EPHA3: variants seen among roughly 807,000 people sequenced by gnomAD.
EPHA3 encodes ephrin type-A receptor 3.
In EPHA3, 42 loss-of-function variants were observed where a neutral mutation model predicts 107.1. That is an observed-to-expected ratio of 0.39 (90% CI 0.31 to 0.51). EPHA3 has a LOEUF of 0.51. Ranked by LOEUF, EPHA3 falls within the 20% of genes least tolerant of loss-of-function variation. The pLI is 0.78. For missense variants in EPHA3, 1,183 were observed against 1,211.2 expected (o/e 0.98, Z 0.35); for synonymous variants, 461 against 424.8 (o/e 1.09, Z -1.05).
chr3:89,120,958 A>G (rs7636079), intron 1 of EPHA3, among the ~76,000 whole-genome samples: 147,401 of 152,302 alleles, frequency 0.97, 71,353 homozygotes, highest in African/African-American at 0.99. Flanking sequence ...TTACTACATC[A>G]GCCTGGCACG....
chr3:89,282,650 T>A (rs1364619082), intron 3 of EPHA3, among the ~76,000 whole-genome samples: 1 of 152,092 alleles, frequency 6.6e-6, no homozygotes, highest in Non-Finnish European at 1.5e-5. Context: ...TTATTGATAT[T>A]CTTAAAAGAT....
At chr3:89,176,654 A>G (rs1347320501) in intron 2 of EPHA3, among the ~76,000 whole-genome samples, 1 of 152,118 alleles carries the variant, frequency 6.6e-6, no homozygotes. Flanking sequence ...TATTTTGTAA[A>G]GCATCTTACA....
intron 5 of EPHA3, among the ~76,000 whole-genome samples, chr3:89,365,415 A>G (rs1394982105): frequency 6.6e-6 from 1 of 150,662 alleles, no homozygotes; most frequent in Non-Finnish European, 1.5e-5. Flanking sequence ...ATTTCCAAAC[A>G]TATTTAGTCA....
intron 11 of EPHA3, among the ~76,000 whole-genome samples, chr3:89,423,526 A>T (rs537773978): frequency 1.1e-4 from 17 of 151,512 alleles, no homozygotes; most frequent in African/African-American, 4.1e-4. Context: ...TAATTTACAG[A>T]GATAGTTTGT....
At chr3:89,401,618 C>T (rs759579482) in intron 7 of EPHA3, among the ~76,000 whole-genome samples, 1,682 of 152,130 alleles carry the variant, frequency 0.011, 36 homozygotes, top group African/African-American at 0.038. Context: ...AAATCTCTTT[C>T]TTTTTTTGTG....
chr3:89,242,476 C>T (rs1478684197), intron 3 of EPHA3, among the ~76,000 whole-genome samples: 2 of 152,136 alleles, frequency 1.3e-5, no homozygotes, highest in African/African-American at 4.8e-5. Flanking sequence ...CTCACTCTGT[C>T]GCCCAGGCTG....
chr3:89,426,868 G>T (rs563282579), intron 11 of EPHA3, among the ~76,000 whole-genome samples: 7 of 151,846 alleles, frequency 4.6e-5, no homozygotes, highest in Non-Finnish European at 8.8e-5. Context: ...ACATATGCAG[G>T]ATTTTATTCA....
At chr3:89,419,604 T>TA (rs973377096) in intron 11 of EPHA3, among the ~76,000 whole-genome samples, 4 of 151,250 alleles carry the variant, frequency 2.6e-5, no homozygotes, top group African/African-American at 7.3e-5. Flanking sequence ...CAAAAAATTT[T>TA]AAAAAAATAC....
In EPHA3 at chr3:89,466,702, G is replaced by A. The variant is rs1263768528; in HGVS notation, c.2691-5762G>A. On this transcript the variant is annotated intron_variant, in intron 15 of 16. Coordinates refer to ENST00000336596, the MANE Select transcript of EPHA3 (RefSeq NM_005233.6). ...CCCTGCTTCGGCTCGCGCACGGTGCGCACACACACTGGCCTGCGCCCACTG... is the reference window on the plus strand; with the variant it reads ...CCCTGCTTCGGCTCGCGCACGGTGCACACACACACTGGCCTGCGCCCACTG... 1.6e-4 allele frequency among the ~76,000 whole-genome samples: 21 copies of A among 132,600 alleles called. 1 individual carries two copies. The highest frequency in any genetic ancestry group is 6.7e-4 in the South Asian group (3 of 4,466). The allele number at this position is 132,600 out of a possible 152,430, so 87.0% of individuals were successfully genotyped here. A position where few individuals can be genotyped will look rare whatever the true frequency, so the allele number is the denominator to read the frequency against.
At chr3:89,132,354 T>A (rs1704224432) in intron 2 of EPHA3, among the ~76,000 whole-genome samples, 1 of 152,224 alleles carries the variant, frequency 6.6e-6, no homozygotes, top group African/African-American at 2.4e-5. Flanking sequence ...CAGGATAGAA[T>A]GTTTTATCTT....
intron 2 of EPHA3, among the ~76,000 whole-genome samples, chr3:89,198,126 G>A (rs183659725): frequency 5.9e-5 from 9 of 152,144 alleles, no homozygotes; most frequent in Admixed American, 5.9e-4. Context: ...AGAAACTCCA[G>A]CAAGTGAAAA....
At chr3:89,183,739 AT>A in intron 2 of EPHA3, among the ~76,000 whole-genome samples, 1 of 152,122 alleles carries the variant, frequency 6.6e-6, no homozygotes, top group East Asian at 1.9e-4. Context: ...CTAGAATTTT[AT>A]AACTCTTATA....
intron 2 of EPHA3, among the ~76,000 whole-genome samples, chr3:89,145,802 C>T (rs1704544706): frequency 6.6e-6 from 1 of 151,594 alleles, no homozygotes; most frequent in South Asian, 2.1e-4. Flanking sequence ...ATTTCTCACT[C>T]TCCATTTCAC....
chr3:89,303,243 A>G (rs1706533165), intron 3 of EPHA3, among the ~76,000 whole-genome samples: 1 of 151,944 alleles, frequency 6.6e-6, no homozygotes, highest in East Asian at 1.9e-4. Context: ...AAATAATTTT[A>G]ATTGATGGTA....
Position 89,479,496 on chromosome 3 carries a change from C to G in EPHA3, c.2946C>G (p.Pro982=), listed in dbSNP as rs147581559. Residue 982 remains proline, a synonymous_variant, in exon 17 of 17, where the codon CCC becomes CCG. Transcript: ENST00000336596. The stretch of plus-strand genomic sequence containing the variant: ...CGCAATCAAAGAATGGCCCAGTTCC[C>G]GTGTAAAGCACGGGACGGAAGTGCT... The part of the protein sequence containing the change: ...LETQSKNGPV[P]V The G allele has an allele frequency of 1.9e-6, 3 of 1,613,418 alleles. No individual in the cohort carries two copies. The highest frequency in any genetic ancestry group is 1.7e-4 in the Middle Eastern group (1 of 5,990).
chr3:89,163,589 T>A (rs2107077578), intron 2 of EPHA3, among the ~76,000 whole-genome samples: 1 of 152,268 alleles, frequency 6.6e-6, no homozygotes, highest in South Asian at 2.1e-4. Flanking sequence ...TATACTTCTA[T>A]TGAAATGTGG....
At chr3:89,451,797 G>C (rs1306825184) in intron 15 of EPHA3, among the ~76,000 whole-genome samples, 1 of 152,018 alleles carries the variant, frequency 6.6e-6, no homozygotes, top group East Asian at 1.9e-4. Flanking sequence ...TTGCTACAAA[G>C]CTTAGTGACT....
intron 2 of EPHA3, among the ~76,000 whole-genome samples, chr3:89,135,481 C>A (rs952974148): frequency 8.6e-5 from 13 of 152,036 alleles, no homozygotes; most frequent in African/African-American, 3.1e-4. Flanking sequence ...ATAATAAGAG[C>A]TTTCCCAAAT....
chr3:89,235,587 C>G (rs549862473), intron 3 of EPHA3, among the ~76,000 whole-genome samples: 38 of 151,796 alleles, frequency 2.5e-4, no homozygotes, highest in African/African-American at 9.2e-4. Flanking sequence ...TGAGATTTTT[C>G]TTAGAATTCT....
Sources: allele counts gnomAD v4.1 joint callset (sites outside exome capture counted in the v4.1 genomes callset), GRCh38; gene constraint gnomAD v4.1.1; transcripts MANE v1.5; gene names NCBI Gene and HGNC (gene_info 2026-07-23, HGNC 2026-07-21).